Variants in EEFSEC observed in about 807,000 individuals in gnomAD.
The protein encoded by EEFSEC is selenocysteine-specific elongation factor.
EEFSEC carries 43 observed loss-of-function variants against 42.1 expected under a neutral mutation model. That is an observed-to-expected ratio of 1.02 (90% confidence interval 0.80 to 1.32). EEFSEC has a LOEUF of 1.32. EEFSEC is among the 40% of genes most tolerant of loss of function. The pLI is 0.00. For synonymous variants in EEFSEC, 354 were observed against 339.1 expected (o/e 1.04, Z -0.48); for missense variants, 745 against 803.6 (o/e 0.93, Z 0.88).
chr3:128,320,979 T>A (rs1402079112), intron 4 of EEFSEC, among the ~76,000 whole-genome samples: 1 of 152,162 alleles, frequency 6.6e-6, no homozygotes, highest in Non-Finnish European at 1.5e-5. Flanking sequence ...CTGTGAGGAT[T>A]GAGTAGGTTA....
At chr3:128,213,067 C>T (rs1296391329) in intron 1 of EEFSEC, among the ~76,000 whole-genome samples, 2 of 152,228 alleles carry the variant, frequency 1.3e-5, no homozygotes, top group African/African-American at 2.4e-5. Flanking sequence ...CTGCCCACCA[C>T]ACCTTCTGCA....
In EEFSEC at chr3:128,313,023, C is replaced by T. The variant is rs116188629; in HGVS notation, c.787-28210C>T. Among the ~76,000 whole-genome samples the T allele has an allele frequency of 5.9e-3, 899 of 152,280 alleles. 7 individuals are homozygous for T. The highest frequency in any genetic ancestry group is 9.6e-3 in the Non-Finnish European group (650 of 68,018). On this transcript the variant is annotated intron_variant, in intron 4 of 6. Coordinates refer to ENST00000254730, the MANE Select transcript of EEFSEC (RefSeq NM_021937.5). ...GTGTGAACTTGGTCAAGTCAAGTAG[C>T]CTCCGTAGGTCTCAGCCCCCTTGTC... is the stretch of plus-strand genomic sequence containing the variant.
At chr3:128,279,008 G>T (rs1441216653) in intron 4 of EEFSEC, among the ~76,000 whole-genome samples, 1 of 152,238 alleles carries the variant, frequency 6.6e-6, no homozygotes, top group Non-Finnish European at 1.5e-5. Flanking sequence ...TAAAAGACAG[G>T]AGGGGAGTGA....
intron 1 of EEFSEC, among the ~76,000 whole-genome samples, chr3:128,242,321 A>C (rs2066080577): frequency 6.6e-6 from 1 of 152,202 alleles, no homozygotes; most frequent in South Asian, 2.1e-4. Flanking sequence ...TGCCTCTAAA[A>C]TTAAAAAAAT....
chr3:128,258,069 A>AAAG (rs10637017), intron 2 of EEFSEC, among the ~76,000 whole-genome samples: 127,648 of 152,002 alleles, frequency 0.84, 54,071 homozygotes, highest in East Asian at 0.99. Context: ...ATAAATGAGC[A>AAAG]AATAGCTTAG....
At chr3:128,245,611 CAG>C (rs1576577015) in intron 1 of EEFSEC, among the ~76,000 whole-genome samples, 1 of 152,174 alleles carries the variant, frequency 6.6e-6, no homozygotes, top group East Asian at 1.9e-4. Context: ...TGTCACAGGA[CAG>C]GGGTGACCAA....
At chr3:128,334,307 C>T (rs942521760) in intron 4 of EEFSEC, among the ~76,000 whole-genome samples, 1 of 152,242 alleles carries the variant, frequency 6.6e-6, no homozygotes, top group African/African-American at 2.4e-5. Flanking sequence ...TGCTTCTGCC[C>T]CAGGAGCCAT....
At chr3:128,188,266 G>A (rs2065484691) in intron 1 of EEFSEC, among the ~76,000 whole-genome samples, 1 of 152,196 alleles carries the variant, frequency 6.6e-6, no homozygotes, top group African/African-American at 2.4e-5. Context: ...AGGAGACAGG[G>A]AACGAAAGAG....
At chr3:128,400,301 G>A (rs754243400) in intron 6 of EEFSEC, among the ~76,000 whole-genome samples, 40 of 152,184 alleles carry the variant, frequency 2.6e-4, no homozygotes, top group Non-Finnish European at 5.7e-4. Context: ...CTCCACCCCA[G>A]CTGCCCCATG....
At chr3:128,198,776 G>A (rs1025287193) in intron 1 of EEFSEC, among the ~76,000 whole-genome samples, 1 of 152,118 alleles carries the variant, frequency 6.6e-6, no homozygotes, top group Non-Finnish European at 1.5e-5. Context: ...CAGGTCTGAA[G>A]GCCAGGAAGG....
rs997446970 is a variant in EEFSEC, at chr3:128,178,663, A to G, written c.316+24840A>G. On this transcript the variant is annotated intron_variant, in intron 1 of 6. Transcript: ENST00000254730. ...TTTCAAAAATTCATACTGAATCTTT[A>G]CAATGAAACATTTGTGAGTCCAGGA... 8.5e-5 allele frequency among the ~76,000 whole-genome samples: 13 copies of G among 152,330 alleles called. No individual in the cohort carries two copies. The East Asian group carries it at 2.5e-3, about 29-fold the overall frequency.
chr3:128,326,232 C>G (rs998079071), intron 4 of EEFSEC, among the ~76,000 whole-genome samples: 1 of 152,262 alleles, frequency 6.6e-6, no homozygotes, highest in Non-Finnish European at 1.5e-5. Flanking sequence ...TTCAGAGTGC[C>G]TGGCTCCTGG....
downstream of EEFSEC, among the ~76,000 whole-genome samples, chr3:128,409,921 G>A (rs758224940): frequency 2.0e-5 from 3 of 152,210 alleles, no homozygotes; most frequent in Non-Finnish European, 4.4e-5. Flanking sequence ...AGGCCACTCC[G>A]CCCAGGAAAC....
chr3:128,319,595 C>T (rs947482950), intron 4 of EEFSEC, among the ~76,000 whole-genome samples: 1 of 152,212 alleles, frequency 6.6e-6, no homozygotes, highest in Non-Finnish European at 1.5e-5. Context: ...GATTGCCCAT[C>T]GCCTTCTGCC....
At chr3:128,400,020 G>A (rs561258304) in intron 6 of EEFSEC, among the ~76,000 whole-genome samples, 43 of 152,188 alleles carry the variant, frequency 2.8e-4, no homozygotes, top group South Asian at 1.2e-3. Context: ...GCCTCCATGC[G>A]TTTCAGACAT....
chr3:128,243,850 C>T (rs1000184734), intron 1 of EEFSEC, among the ~76,000 whole-genome samples: 1 of 152,170 alleles, frequency 6.6e-6, no homozygotes, highest in African/African-American at 2.4e-5. Flanking sequence ...AGTTAAGAAC[C>T]TGGGCACCAG....
At chr3:128,300,997 C>T (rs1023591716) in intron 4 of EEFSEC, among the ~76,000 whole-genome samples, 1 of 151,786 alleles carries the variant, frequency 6.6e-6, no homozygotes, top group Non-Finnish European at 1.5e-5. Flanking sequence ...GGTTTTTGTA[C>T]TTGATCATTA....
intron 3 of EEFSEC, 96 bp downstream of exon 3, chr3:128,262,320 A>C: frequency 1.8e-6 from 2 of 1,117,894 alleles, no homozygotes; most frequent in South Asian, 1.3e-5. Flanking sequence ...AAAGAGAGGC[A>C]GCCCTAGCAA....
At chr3:128,418,532 A>G in the EEFSEC span, among the ~76,000 whole-genome samples, 5 of 149,854 alleles carry the variant, frequency 3.3e-5, no homozygotes, top group African/African-American at 1.2e-4. Flanking sequence ...ATCACACCTT[A>G]GCATCCCCCG....
Sources: gnomAD v4.1 joint callset for allele counts (sites outside exome capture counted in the v4.1 genomes callset) on GRCh38, gnomAD v4.1.1 for gene constraint, MANE v1.5 for transcripts, NCBI Gene and HGNC (gene_info 2026-07-23, HGNC 2026-07-21) for gene names.